The following NBPF15 variants were observed in gnomAD, a reference collection of about 807,000 sequenced individuals.
NBPF15 encodes NBPF family member NBPF15.
NBPF15 carries 74 observed loss-of-function variants against 62.2 expected under a neutral mutation model. The observed-to-expected ratio is 1.19, with a 90% confidence interval of 0.99 to 1.44. The LOEUF is 1.44. Ranked by LOEUF, NBPF15 falls within the 40% of genes most tolerant of loss-of-function variation. The probability of loss-of-function intolerance (pLI) is 0.00; values close to 1 mark genes in which losing one functional copy is unlikely to be tolerated. For missense variants in NBPF15, 790 were observed against 550.0 expected (o/e 1.44, Z -4.36); for synonymous variants, 244 against 209.7 (o/e 1.16, Z -1.41).
chr1:144,458,429 C>T (rs1268322889), intron 3 of NBPF15, among the ~76,000 whole-genome samples: 11 of 151,228 alleles, frequency 7.3e-5, no homozygotes, highest in Non-Finnish European at 1.3e-4. Context: ...ATGCCCAACA[C>T]ATCTGAATTA....
At chr1:144,423,732 A>G in intron 21 of NBPF15, 138 bp downstream of exon 21, 2 of 687,592 alleles carry the variant, frequency 2.9e-6, no homozygotes, top group South Asian at 1.7e-5. Context: ...ATCTACTGCA[A>G]TGAAAACCAA....
rs11264219 is a variant in NBPF15, at chr1:144,458,065, C to A, written c.-700-1260G>T. Among the ~76,000 whole-genome samples the A allele has an allele frequency of 1.0e-2, 1,494 of 149,866 alleles. 20 individuals are homozygous for A. The highest frequency in any genetic ancestry group is 0.014 in the Non-Finnish European group (969 of 67,560). ...TCATACCACTCCACTCCAGCCTGGG[C>A]AACAGAGCGAGACACTGTCTCAAGA... On this transcript the variant is annotated intron_variant, in intron 3 of 21. Transcript: ENST00000581897.
intron 4 of NBPF15, among the ~76,000 whole-genome samples, chr1:144,452,457 T>C (rs1443707474): frequency 6.6e-6 from 1 of 151,592 alleles, no homozygotes; most frequent in Non-Finnish European, 1.5e-5. Context: ...ATAAATATAA[T>C]GAAGTCTGCT....
chr1:144,433,122 A>G (rs1170091694), intron 13 of NBPF15, among the ~76,000 whole-genome samples: 1 of 152,060 alleles, frequency 6.6e-6, no homozygotes, highest in Admixed American at 6.6e-5. Flanking sequence ...CAGTGCCATC[A>G]AATTAGAACC....
intron 13 of NBPF15, among the ~76,000 whole-genome samples, chr1:144,432,125 C>G (rs1240911274): frequency 6.6e-6 from 1 of 152,020 alleles, no homozygotes; most frequent in Non-Finnish European, 1.5e-5. Context: ...TAAAAGTGTT[C>G]CTATTTCTCC....
chr1:144,429,571 C>T (rs1672694353), intron 14 of NBPF15, 129 bp downstream of exon 14: 2 of 587,452 alleles, frequency 3.4e-6, no homozygotes, highest in Non-Finnish European at 6.0e-6. Flanking sequence ...TTGAAATCTA[C>T]ATTGATATAT....
chr1:144,458,669 T>G (rs1650013393), intron 3 of NBPF15, among the ~76,000 whole-genome samples: 2 of 151,256 alleles, frequency 1.3e-5, no homozygotes, highest in Non-Finnish European at 1.5e-5. Context: ...AGAAAAAAAG[T>G]GCCAAACAGT....
intron 8 of NBPF15, among the ~76,000 whole-genome samples, chr1:144,439,623 C>T (rs1376554586): frequency 1.1e-4 from 17 of 151,892 alleles, no homozygotes; most frequent in Non-Finnish European, 2.5e-4. Context: ...CTAGTCCCAC[C>T]CCCACCTGAT....
chr1:144,445,354 T>TATATATATACACAC (rs1322315552), intron 6 of NBPF15, among the ~76,000 whole-genome samples: 6 of 104,478 alleles, frequency 5.7e-5, no homozygotes, highest in African/African-American at 3.2e-4. Context: ...TATATATATA[T>TATATATATACACAC]ACACACACAC....
intron 4 of NBPF15, among the ~76,000 whole-genome samples, chr1:144,452,358 A>G (rs1489056694): frequency 6.6e-6 from 1 of 152,020 alleles, no homozygotes; most frequent in African/African-American, 2.4e-5. Flanking sequence ...ATGTTCCCCC[A>G]AAAACCATCC....
Position 144,423,862 on chromosome 1 carries a change from A to T in NBPF15, c.1769+8T>A, listed in dbSNP as rs1553538758. ...CAGAATTAAGCATCCACAATTGCTG[A>T]AAGTTACCTGGGGCATGGTGGGTTG... On this transcript the variant is annotated splice_region_variant and intron_variant, in intron 21 of 21. Transcript: ENST00000581897. 1 of 766,742 alleles carries T rather than the reference A, an allele frequency of 1.3e-6. No individual in the cohort carries two copies. The highest frequency in any genetic ancestry group is 1.3e-5 in the South Asian group (1 of 74,564). 47.5% of individuals were successfully genotyped at this position (766,742 alleles called of 1,614,324 possible).
At position 144,461,430 on chromosome 1, in the gene NBPF15, C is replaced by T. The variant is rs1161618651; in HGVS notation, c.-987G>A. 1 of 152,198 alleles carries T rather than the reference C, an allele frequency of 6.6e-6. No homozygotes were observed. The highest frequency in any genetic ancestry group is 1.5e-5 in the Non-Finnish European group (1 of 68,082). The allele number at this position is 152,198 out of a possible 1,614,324, so 9.4% of individuals were successfully genotyped here. A position where few individuals can be genotyped will look rare whatever the true frequency, so the allele number is the denominator to read the frequency against. ...CTTCACCTCGGAAACGCTGGGTGGA[C>T]TTCGCTGTAAACCGTAACTTCCCAT... On this transcript the variant is annotated 5_prime_UTR_variant, in exon 1 of 22. Transcript: ENST00000581897.
intron 14 of NBPF15, among the ~76,000 whole-genome samples, chr1:144,428,898 C>T (rs1264886756): frequency 6.6e-6 from 1 of 151,980 alleles, no homozygotes; most frequent in South Asian, 2.1e-4. Context: ...GTGCTCTGTC[C>T]TAGGTTTATG....
intron 3 of NBPF15, among the ~76,000 whole-genome samples, chr1:144,458,099 A>C: frequency 6.6e-6 from 1 of 151,990 alleles, no homozygotes. Flanking sequence ...GAAAAAAAAA[A>C]AAAATTGTTC....
Position 144,440,281 on chromosome 1 carries a change from G to A in NBPF15, c.-176C>T, listed in dbSNP as rs1315715952. 2.3e-5 allele frequency: 34 copies of A among 1,484,242 alleles called. No homozygotes were observed. Among genetic ancestry groups the A allele is most frequent in the Admixed American group, 8.3e-5 (4 of 48,366 alleles). The allele number at this position is 1,484,242 out of a possible 1,614,324, so 91.9% of individuals were successfully genotyped here. A position where few individuals can be genotyped will look rare whatever the true frequency, so the allele number is the denominator to read the frequency against. On this transcript the variant is annotated 5_prime_UTR_variant, in exon 7 of 22. It adds an upstream start codon to the 5' untranslated region. Transcript: ENST00000581897. ...AAGAGTGAGGTAGATTGTGGCCAGCGTGCCAGGTAACCGTCTGCAGTTGCA... is the reference window on the plus strand; with the variant it reads ...AAGAGTGAGGTAGATTGTGGCCAGCATGCCAGGTAACCGTCTGCAGTTGCA...
chr1:144,422,861 C>T lies in NBPF15; in HGVS notation c.*152G>A. ...TTGTCTTCAGATTGAGCACAGGTTG[C>T]CAATGGCATGGTTTGAGAATAGGAA... On this transcript the variant is annotated 3_prime_UTR_variant, in exon 22 of 22. Transcript: ENST00000581897. 2 of 1,568,054 alleles carry T rather than the reference C, an allele frequency of 1.3e-6. No individual in the cohort carries two copies. Among genetic ancestry groups the T allele is most frequent in the South Asian group, 1.2e-5 (1 of 82,248 alleles).
chr1:144,458,772 G>A (rs1650123181), intron 3 of NBPF15, among the ~76,000 whole-genome samples: 1 of 152,134 alleles, frequency 6.6e-6, no homozygotes. Flanking sequence ...GGGTGGGGTG[G>A]CTCATGCCTG....
chr1:144,437,195 G>T (rs1679149898), intron 9 of NBPF15, 86 bp from the exon 10 acceptor site: 1 of 1,282,130 alleles, frequency 7.8e-7, no homozygotes, highest in Non-Finnish European at 1.1e-6. Flanking sequence ...CTGAGACAAT[G>T]TCCTCAAGGA....
chr1:144,442,364 A>T (rs1252491851), intron 6 of NBPF15, among the ~76,000 whole-genome samples: 1 of 138,062 alleles, frequency 7.2e-6, no homozygotes, highest in Non-Finnish European at 1.5e-5. Context: ...ACACATATAT[A>T]CATGTATACA....
Sources: gnomAD v4.1 joint callset for allele counts (sites outside exome capture counted in the v4.1 genomes callset) on GRCh38, gnomAD v4.1.1 for gene constraint, MANE v1.5 for transcripts, NCBI Gene and HGNC (gene_info 2026-07-23, HGNC 2026-07-21) for gene names.